Variants in ZNF143 observed in about 807,000 individuals in gnomAD.
The protein encoded by ZNF143 is zinc finger protein 143.
ZNF143 carries 49 observed loss-of-function variants against 74.1 expected under a neutral mutation model. That is an observed-to-expected ratio of 0.66 (90% CI 0.53 to 0.84). The LOEUF (loss-of-function observed/expected upper bound fraction) is 0.84, where lower values mean the gene tolerates loss of function less well. ZNF143 is among the 40% of genes least tolerant of loss of function. The probability of loss-of-function intolerance (pLI) is 0.00; values close to 1 mark genes in which losing one functional copy is unlikely to be tolerated. For synonymous variants in ZNF143, 304 were observed against 282.8 expected (o/e 1.07, Z -0.75); for missense variants, 637 against 793.4 (o/e 0.80, Z 2.37).
chr11:9,492,105 A>ATTTTTTTTTT (rs34432476), intron 7 of ZNF143, among the ~76,000 whole-genome samples: 1 of 100,240 alleles, frequency 1.0e-5, no homozygotes. Context: ...CACCTGGCTA[A>ATTTTTTTTTT]TTTTTTTTTT....
chr11:9,494,232 T>C (rs558501042), intron 7 of ZNF143, among the ~76,000 whole-genome samples: 2 of 152,304 alleles, frequency 1.3e-5, no homozygotes, highest in South Asian at 2.1e-4. Context: ...TGACCTGAGA[T>C]TGGAAACCCA....
At chr11:9,486,387 AATATATATAATATATT>A (rs1288588595) in intron 7 of ZNF143, among the ~76,000 whole-genome samples, 1 of 18,008 alleles carries the variant, frequency 5.6e-5, no homozygotes, top group East Asian at 9.2e-4. Context: ...TTATATATAT[AATATATATAATATATT>A]ATATATATAA....
chr11:9,508,203 C>A (rs1272175643), intron 11 of ZNF143, among the ~76,000 whole-genome samples: 1 of 152,156 alleles, frequency 6.6e-6, no homozygotes, highest in African/African-American at 2.4e-5. Context: ...CTTTTAAAGA[C>A]AATCCTTTTT....
chr11:9,490,567 G>C (rs185330236), intron 7 of ZNF143, among the ~76,000 whole-genome samples: 1 of 151,766 alleles, frequency 6.6e-6, no homozygotes, highest in African/African-American at 2.4e-5. Flanking sequence ...GATTACAGAC[G>C]TGAGCTGCCG....
At chr11:9,500,068 G>C (rs1027737947) in intron 10 of ZNF143, among the ~76,000 whole-genome samples, 1 of 152,068 alleles carries the variant, frequency 6.6e-6, no homozygotes, top group Non-Finnish European at 1.5e-5. Flanking sequence ...TCACCCTCCC[G>C]AGTAGCTGGG....
chr11:9,480,723 T>TA (rs1272658311), intron 7 of ZNF143, among the ~76,000 whole-genome samples: 1 of 151,760 alleles, frequency 6.6e-6, no homozygotes, highest in African/African-American at 2.4e-5. Context: ...CTGCCTCTAC[T>TA]AAAAATACAA....
At position 9,483,643 on chromosome 11, in the gene ZNF143, G is replaced by A. The variant is rs760931368; in HGVS notation, c.645+4097G>A. Among the ~76,000 whole-genome samples the A allele has an allele frequency of 3.4e-4, 51 of 150,318 alleles. 1 individual carries two copies. Among genetic ancestry groups the A allele is most frequent in the Non-Finnish European group, 6.6e-4 (45 of 67,922 alleles). On this transcript the variant is annotated intron_variant, in intron 7 of 15. Coordinates refer to ENST00000396602, the MANE Select transcript of ZNF143 (RefSeq NM_003442.6). Reference sequence around the variant, plus strand: ...TTTTGAGACTGAGTCTTGCTCTGTCGCTTAGGCTGGAGTGCAATGGTGCAG... The same window carrying A: ...TTTTGAGACTGAGTCTTGCTCTGTCACTTAGGCTGGAGTGCAATGGTGCAG...
chr11:9,474,748 T>C, intron 5 of ZNF143, 115 bp downstream of exon 5: 6 of 1,106,002 alleles, frequency 5.4e-6, no homozygotes, highest in Non-Finnish European at 7.9e-6. Flanking sequence ...TATTTATTCA[T>C]TAAAGTACAA....
chr11:9,496,390 A>T lies in ZNF143; in HGVS notation c.841+12A>T. On this transcript the variant is annotated intron_variant, in intron 9 of 15. Coordinates refer to ENST00000396602, the MANE Select transcript of ZNF143 (RefSeq NM_003442.6). ...GGCATTTGCAACAGGTAAAAGTATG[A>T]ATTTTGTTTTTTTCTTGGTTCCAAT... The T allele has an allele frequency of 6.2e-7, 1 of 1,613,710 alleles. No homozygotes were observed. The highest frequency in any genetic ancestry group is 1.3e-5 in the African/African-American group (1 of 74,968).
intron 10 of ZNF143, among the ~76,000 whole-genome samples, chr11:9,498,189 G>A (rs1848036503): frequency 6.6e-6 from 1 of 152,208 alleles, no homozygotes; most frequent in South Asian, 2.1e-4. Flanking sequence ...AGAGTTTCAG[G>A]AAGTCAATAT....
intron 10 of ZNF143, among the ~76,000 whole-genome samples, chr11:9,498,032 G>A (rs1015042410): frequency 1.3e-5 from 2 of 152,028 alleles, no homozygotes; most frequent in East Asian, 1.9e-4. Flanking sequence ...GGGTTTCACT[G>A]TGTTAGCCAG....
chr11:9,487,048 C>T (rs1228034785), intron 7 of ZNF143, among the ~76,000 whole-genome samples: 1 of 146,728 alleles, frequency 6.8e-6, no homozygotes, highest in Non-Finnish European at 1.5e-5. Flanking sequence ...CTCACTGCTA[C>T]CTCCACCTCC....
At chr11:9,522,696 G>C (rs955390682) in intron 14 of ZNF143, among the ~76,000 whole-genome samples, 1 of 151,896 alleles carries the variant, frequency 6.6e-6, no homozygotes, top group East Asian at 1.9e-4. Context: ...GTCTCACCAT[G>C]TTGGTCAGGC....
intron 1 of ZNF143, among the ~76,000 whole-genome samples, chr11:9,467,343 C>T (rs536259183): frequency 2.1e-4 from 32 of 151,086 alleles, no homozygotes; most frequent in Non-Finnish European, 3.8e-4. Context: ...TCAAGTGATT[C>T]TCCTGCCTCA....
chr11:9,486,387 A>AT (rs1491455973), intron 7 of ZNF143, among the ~76,000 whole-genome samples: 2 of 18,008 alleles, frequency 1.1e-4, no homozygotes, highest in Admixed American at 1.0e-3. Context: ...TTATATATAT[A>AT]ATATATATAA....
chr11:9,498,126 G>A (rs1161258451), intron 10 of ZNF143, among the ~76,000 whole-genome samples: 1 of 152,232 alleles, frequency 6.6e-6, no homozygotes, highest in Non-Finnish European at 1.5e-5. Context: ...CACCGCGCCC[G>A]GCCTAGGCCA....
chr11:9,486,351 A>T (rs566187830), intron 7 of ZNF143, among the ~76,000 whole-genome samples: 6 of 61,220 alleles, frequency 9.8e-5, no homozygotes, highest in Non-Finnish European at 1.5e-4. Flanking sequence ...TTATATATAT[A>T]TTATATATAT....
At chr11:9,493,204 A>G (rs1847844379) in intron 7 of ZNF143, among the ~76,000 whole-genome samples, 1 of 151,054 alleles carries the variant, frequency 6.6e-6, no homozygotes, top group Admixed American at 6.6e-5. Context: ...CGAGTAACTG[A>G]GACTATAGGC....
intron 11 of ZNF143, among the ~76,000 whole-genome samples, chr11:9,508,267 A>G (rs892972841): frequency 1.1e-4 from 17 of 152,100 alleles, no homozygotes; most frequent in Admixed American, 8.5e-4. Context: ...AATAGCATTT[A>G]TTATTATTAA....
Sources: allele counts gnomAD v4.1 joint callset (sites outside exome capture counted in the v4.1 genomes callset), GRCh38; gene constraint gnomAD v4.1.1; transcripts MANE v1.5; gene names NCBI Gene and HGNC (gene_info 2026-07-23, HGNC 2026-07-21).